NALF1: variants seen among roughly 807,000 people sequenced by gnomAD.
NALF1 encodes the protein NALCN channel auxiliary factor 1.
Under a neutral mutation model 48.4 loss-of-function variants are expected in NALF1, and 3 were observed. The ratio of observed to expected loss-of-function variants is 0.06; its 90% confidence interval spans 0.03 to 0.16. NALF1 has a LOEUF of 0.16. Among genes scored for constraint, NALF1 ranks in the 10% least tolerant of loss-of-function variants. NALF1 has a pLI of 1.00. For synonymous variants in NALF1, 262 were observed against 245.7 expected (o/e 1.07, Z -0.62); for missense variants, 526 against 571.5 (o/e 0.92, Z 0.81).
intron 1 of NALF1, among the ~76,000 whole-genome samples, chr13:107,430,503 T>G (rs1057261684): frequency 2.0e-5 from 3 of 152,090 alleles, no homozygotes; most frequent in South Asian, 2.1e-4. Context: ...CCTGTGTCCA[T>G]GTGTTCTCAC....
chr13:107,282,444 A>G (rs536214499), intron 1 of NALF1, among the ~76,000 whole-genome samples: 1 of 152,328 alleles, frequency 6.6e-6, no homozygotes, highest in Non-Finnish European at 1.5e-5. Flanking sequence ...CCTGTTGACT[A>G]AGAGGATATT....
chr13:107,470,437 A>G (rs1336573191), intron 1 of NALF1, among the ~76,000 whole-genome samples: 2 of 152,232 alleles, frequency 1.3e-5, no homozygotes, highest in African/African-American at 4.8e-5. Context: ...ATTTGTTCAT[A>G]TGATATACTG....
chr13:107,166,430 C>A lies in NALF1; in HGVS notation c.*4067G>T, dbSNP rs1878660854. 1 of 152,160 alleles carries A rather than the reference C, an allele frequency of 6.6e-6. No individual in the cohort carries two copies. Among genetic ancestry groups the A allele is most frequent in the African/African-American group, 2.4e-5 (1 of 41,434 alleles). The allele number at this position is 152,160 out of a possible 1,614,324, so 9.4% of individuals were successfully genotyped here. ...GCAAGATGCCATCTCAAAAAACAAACAAACACACAGAAAAGAAATTAAATA... is the reference window on the plus strand; with the variant it reads ...GCAAGATGCCATCTCAAAAAACAAAAAAACACACAGAAAAGAAATTAAATA... On this transcript the variant is annotated 3_prime_UTR_variant, in exon 3 of 3. Transcript: ENST00000375915.
At chr13:107,204,860 A>G (rs1879601058) in intron 2 of NALF1, among the ~76,000 whole-genome samples, 1 of 152,088 alleles carries the variant, frequency 6.6e-6, no homozygotes, top group Admixed American at 6.6e-5. Flanking sequence ...TCAGAGAAAA[A>G]AAAACCTGAT....
At chr13:107,340,525 T>TC (rs1491463322) in intron 1 of NALF1, among the ~76,000 whole-genome samples, 11 of 81,942 alleles carry the variant, frequency 1.3e-4, no homozygotes, top group Middle Eastern at 5.0e-3. Flanking sequence ...TTTCTCTCTC[T>TC]TTTTTTTTTT....
chr13:107,192,068 T>C (rs908887707), intron 2 of NALF1, among the ~76,000 whole-genome samples: 3 of 151,906 alleles, frequency 2.0e-5, no homozygotes, highest in South Asian at 2.1e-4. Flanking sequence ...ACAGAAAGGA[T>C]TATGTATTGA....
chr13:107,459,287 T>C (rs1426718457), intron 1 of NALF1, among the ~76,000 whole-genome samples: 1 of 151,966 alleles, frequency 6.6e-6, no homozygotes, highest in Non-Finnish European at 1.5e-5. Flanking sequence ...AGAGAAGATA[T>C]ACAAAAGGAA....
At chr13:107,688,544 A>G (rs561342709) in intron 1 of NALF1, among the ~76,000 whole-genome samples, 2 of 152,206 alleles carry the variant, frequency 1.3e-5, no homozygotes, top group Non-Finnish European at 2.9e-5. Flanking sequence ...AGCCCTTTTC[A>G]ATTGTTTTTA....
chr13:107,206,462 T>A (rs1879645549), intron 2 of NALF1, among the ~76,000 whole-genome samples: 1 of 152,206 alleles, frequency 6.6e-6, no homozygotes, highest in Non-Finnish European at 1.5e-5. Context: ...ATCAAAAATA[T>A]ATACATTTAA....
chr13:107,495,660 CA>C lies in NALF1; in HGVS notation c.916-284906del, dbSNP rs1875310372. Among the ~76,000 whole-genome samples the C allele has an allele frequency of 1.3e-5, 2 of 152,078 alleles. 1 individual carries two copies. Among genetic ancestry groups the C allele is most frequent in the South Asian group, 4.1e-4 (2 of 4,820 alleles). On this transcript the variant is annotated intron_variant, in intron 1 of 2. Transcript: ENST00000375915. ...AGTTGTGGTTACTGTTCAGTTTCCTCAAAACATAAAGCATCATTTTTTTGAA... is the reference window on the plus strand; with the variant it reads ...AGTTGTGGTTACTGTTCAGTTTCCTCAAACATAAAGCATCATTTTTTTGAA...
chr13:107,570,711 A>C (rs1231056560), intron 1 of NALF1, among the ~76,000 whole-genome samples: 1 of 151,946 alleles, frequency 6.6e-6, no homozygotes, highest in South Asian at 2.1e-4. Flanking sequence ...TCATTGGTAC[A>C]TAAGACTTTA....
At chr13:107,686,383 TTA>T (rs879835396) in intron 1 of NALF1, among the ~76,000 whole-genome samples, 12 of 768 alleles carry the variant, frequency 0.016, no homozygotes, top group South Asian at 0.17. Flanking sequence ...TATTTATTTA[TTA>T]TTATTATTAT....
intron 1 of NALF1, among the ~76,000 whole-genome samples, chr13:107,594,127 C>T (rs11842161): frequency 0.35 from 52,503 of 151,794 alleles, 9,657 homozygotes; most frequent in African/African-American, 0.46. Context: ...GCCCTTCTGT[C>T]CACTCTTCAA....
At chr13:107,724,533 A>G (rs1876092222) in intron 1 of NALF1, among the ~76,000 whole-genome samples, 1 of 151,978 alleles carries the variant, frequency 6.6e-6, no homozygotes, top group Non-Finnish European at 1.5e-5. Context: ...ACACTCATAT[A>G]CCATCCCTCC....
chr13:107,692,333 A>G (rs915584284), intron 1 of NALF1, among the ~76,000 whole-genome samples: 10 of 152,166 alleles, frequency 6.6e-5, no homozygotes, highest in African/African-American at 2.4e-4. Context: ...TAGAATGGCA[A>G]GTTTTTGAAA....
intron 1 of NALF1, among the ~76,000 whole-genome samples, chr13:107,576,203 C>A (rs1361448432): frequency 2.0e-5 from 3 of 152,132 alleles, no homozygotes; most frequent in Non-Finnish European, 4.4e-5. Context: ...AAGAAAATTT[C>A]TCTGACAGGT....
chr13:107,381,989 TCA>T (rs1566318721), intron 1 of NALF1, among the ~76,000 whole-genome samples: 2,313 of 151,918 alleles, frequency 0.015, 56 homozygotes, highest in African/African-American at 0.053. Context: ...ATAACAGGAG[TCA>T]TCTGCAAATT....
intron 1 of NALF1, among the ~76,000 whole-genome samples, chr13:107,592,978 T>C (rs918092037): frequency 6.6e-6 from 1 of 151,876 alleles, no homozygotes; most frequent in African/African-American, 2.4e-5. Flanking sequence ...CATAAATCTT[T>C]TATAGATATA....
At chr13:107,383,191 A>C (rs931478061) in intron 1 of NALF1, among the ~76,000 whole-genome samples, 6 of 152,242 alleles carry the variant, frequency 3.9e-5, no homozygotes, top group Admixed American at 3.3e-4. Flanking sequence ...CCTCAGTAAT[A>C]ATCAACAATA....
Sources: allele counts gnomAD v4.1 joint callset (sites outside exome capture counted in the v4.1 genomes callset), GRCh38; gene constraint gnomAD v4.1.1; transcripts MANE v1.5; gene names NCBI Gene and HGNC (gene_info 2026-07-23, HGNC 2026-07-21).